The following PIEZO2 variants were observed in gnomAD, a reference collection of about 807,000 sequenced individuals.
PIEZO2 encodes the protein piezo type mechanosensitive ion channel component 2.
Under a neutral mutation model 337.3 loss-of-function variants are expected in PIEZO2, and 172 were observed. The ratio of observed to expected loss-of-function variants is 0.51; its 90% CI spans 0.45 to 0.58. PIEZO2 has a LOEUF of 0.58. Among genes scored for constraint, PIEZO2 ranks in the 20% least tolerant of loss-of-function variants. The pLI, the probability that PIEZO2 is intolerant of heterozygous loss-of-function variation, is 0.00. For synonymous variants in PIEZO2, 1,251 were observed against 1,228.5 expected, an observed-to-expected ratio of 1.02 and a Z score of -0.38; for missense variants, 3,028 against 3,391.3, an observed-to-expected ratio of 0.89 and a Z score of 2.66.
intron 17 of PIEZO2, among the ~76,000 whole-genome samples, chr18:10,782,628 T>C (rs1426459241): frequency 1.3e-5 from 2 of 149,730 alleles, no homozygotes; most frequent in East Asian, 3.9e-4. Flanking sequence ...CCCTTTACAT[T>C]TACTTGGAAA....
chr18:10,696,959 G>A (rs2035119632), intron 45 of PIEZO2, among the ~76,000 whole-genome samples: 2 of 152,318 alleles, frequency 1.3e-5, no homozygotes, highest in Admixed American at 1.3e-4. Flanking sequence ...TAGGGCCAAG[G>A]TGGGAAGTAA....
rs1422474537 is a variant in PIEZO2, at chr18:10,850,924, A to G, written c.917+4429T>C. ...AAAAAATATCAATTCAATATTTCTA[A>G]AAATAAGGTTAATTCTCACCAGAGA... On this transcript the variant is annotated intron_variant, in intron 7 of 55. Coordinates refer to ENST00000674853, the MANE Select transcript of PIEZO2 (RefSeq NM_001378183.1). The surrounding 1 kb of genome is among the most constrained non-coding windows in gnomAD (Gnocchi z 4.5). 1.3e-5 allele frequency among the ~76,000 whole-genome samples: 2 copies of G among 152,206 alleles called. No individual in the cohort carries two copies. Among genetic ancestry groups the G allele is most frequent in the Non-Finnish European group, 2.9e-5 (2 of 68,038 alleles).
At chr18:10,725,975 C>A (rs981583400) in intron 36 of PIEZO2, among the ~76,000 whole-genome samples, 1 of 152,150 alleles carries the variant, frequency 6.6e-6, no homozygotes, top group Non-Finnish European at 1.5e-5. Flanking sequence ...TTGCTCTGGG[C>A]AAGAGGTGGT....
Position 11,148,725 on chromosome 18 carries a change from C to T in PIEZO2, c.-137G>A, listed in dbSNP as rs1460924775. On this transcript the variant is annotated 5_prime_UTR_variant, in exon 1 of 56. Transcript: ENST00000674853. The surrounding 1 kb of genome is among the most constrained non-coding windows in gnomAD (Gnocchi z 5.2). ...CACCCGAGCATCGCCTCGGCGCGGG[C>T]CGCGACGCTCTCCGCCCCGAGGGCA... 4 of 885,590 alleles carry T rather than the reference C, an allele frequency of 4.5e-6. No individual in the cohort carries two copies. The highest frequency in any genetic ancestry group is 2.8e-5 in the East Asian group (1 of 35,560). The allele number at this position is 885,590 out of a possible 1,614,324, so 54.9% of individuals were successfully genotyped here. A position where few individuals can be genotyped will look rare whatever the true frequency, so the allele number is the denominator to read the frequency against.
At chr18:11,063,999 A>C (rs2038061387) in intron 2 of PIEZO2, among the ~76,000 whole-genome samples, 1 of 152,024 alleles carries the variant, frequency 6.6e-6, no homozygotes, top group Admixed American at 6.6e-5. Context: ...TGGGCCACAC[A>C]TAACACTGAC....
intron 36 of PIEZO2, among the ~76,000 whole-genome samples, chr18:10,723,763 C>T (rs758593092): frequency 1.3e-5 from 2 of 152,056 alleles, no homozygotes; most frequent in Non-Finnish European, 2.9e-5. Flanking sequence ...GATGACCACT[C>T]GAAAGATCCC....
chr18:11,030,485 T>C (rs1165925691), intron 2 of PIEZO2, among the ~76,000 whole-genome samples: 1 of 152,184 alleles, frequency 6.6e-6, no homozygotes, highest in East Asian at 1.9e-4. Flanking sequence ...AGGAGTGACT[T>C]GCCCAAGGTC....
chr18:10,879,236 T>C (rs1254968037), intron 4 of PIEZO2, among the ~76,000 whole-genome samples: 2 of 152,086 alleles, frequency 1.3e-5, no homozygotes, highest in African/African-American at 2.4e-5. Context: ...CCCATTTTAA[T>C]AAATCAGTGA....
intron 4 of PIEZO2, among the ~76,000 whole-genome samples, chr18:10,897,159 C>T (rs1299959376): frequency 6.6e-6 from 1 of 151,860 alleles, no homozygotes; most frequent in African/African-American, 2.4e-5. Flanking sequence ...ATATGGTTCT[C>T]ATGGTAGTGA....
chr18:10,805,153 G>C (rs934673547), intron 8 of PIEZO2, among the ~76,000 whole-genome samples: 14 of 152,210 alleles, frequency 9.2e-5, no homozygotes, highest in Admixed American at 8.5e-4. Context: ...CCCAGAGAAA[G>C]CAAATGGGCT....
intron 1 of PIEZO2, among the ~76,000 whole-genome samples, chr18:11,121,143 C>T (rs923537417): frequency 3.9e-5 from 6 of 152,078 alleles, no homozygotes; most frequent in African/African-American, 1.4e-4. Context: ...GTTCCACCTA[C>T]TCGGGAGGCT....
chr18:10,689,887 A>C (rs1156241768), intron 48 of PIEZO2, 85 bp from the exon 49 acceptor site: 1 of 1,489,546 alleles, frequency 6.7e-7, no homozygotes, highest in Non-Finnish European at 9.0e-7. Flanking sequence ...CAGTTCCTTA[A>C]CTGCTTTAAC....
chr18:11,111,364 A>G lies in PIEZO2; in HGVS notation c.64+37161T>C, dbSNP rs548234314. 6.6e-6 allele frequency among the ~76,000 whole-genome samples: 1 copy of G among 152,310 alleles called. No homozygotes were observed. Among genetic ancestry groups the G allele is most frequent in the East Asian group, 1.9e-4 (1 of 5,184 alleles). On this transcript the variant is annotated intron_variant, in intron 1 of 55. Coordinates refer to ENST00000674853, the MANE Select transcript of PIEZO2 (RefSeq NM_001378183.1). The surrounding 1 kb of genome is among the most constrained non-coding windows in gnomAD (Gnocchi z 6.2). ...ATCTACAGTGGCTTCTGTTTTCCTA[A>G]CCAAGTCCTGAACCAATGTAAGACT...
chr18:11,104,118 G>A lies in PIEZO2; in HGVS notation c.65-37896C>T, dbSNP rs1274637984. On this transcript the variant is annotated intron_variant, in intron 1 of 55. Coordinates refer to ENST00000674853, the MANE Select transcript of PIEZO2 (RefSeq NM_001378183.1). The surrounding 1 kb of genome is among the most constrained non-coding windows in gnomAD (Gnocchi z 4.6). ...TTAAAATTGGATTCTTCTTATCATA[G>A]CTTTCACTGGGATTGCAATATAACA... 1.3e-5 allele frequency among the ~76,000 whole-genome samples: 2 copies of A among 152,108 alleles called. No individual in the cohort carries two copies. Among genetic ancestry groups the A allele is most frequent in the African/African-American group, 4.8e-5 (2 of 41,394 alleles).
At chr18:11,042,418 T>G (rs968450527) in intron 2 of PIEZO2, among the ~76,000 whole-genome samples, 1 of 152,206 alleles carries the variant, frequency 6.6e-6, no homozygotes, top group African/African-American at 2.4e-5. Flanking sequence ...TGTGGCCACA[T>G]TTTAGATAGC....
intron 1 of PIEZO2, among the ~76,000 whole-genome samples, chr18:11,137,153 TAGA>T (rs1047431320): frequency 1.3e-5 from 2 of 152,256 alleles, no homozygotes; most frequent in Admixed American, 6.5e-5. Context: ...ATCGAAATAT[TAGA>T]AGCTCAAAGC....
In PIEZO2 at chr18:10,828,124, TTG is replaced by T. The variant is rs2040732673; in HGVS notation, c.918-20852_918-20851del. Among the ~76,000 whole-genome samples the T allele has an allele frequency of 7.3e-6, 1 of 137,284 alleles. No individual in the cohort carries two copies. The highest frequency in any genetic ancestry group is 2.3e-4 in the East Asian group (1 of 4,272). 90.1% of individuals were successfully genotyped at this position (137,284 alleles called of 152,430 possible). On this transcript the variant is annotated intron_variant, in intron 7 of 55. Transcript: ENST00000674853. This position sits in a 1 kb window ranked among gnomAD's most constrained non-coding sequence, Gnocchi z 4.1. ...CTCGAAATAGCATGACGGTTTTTTT[TTG>T]TTTGTTTGTTTTTGTTTTTTTTTTT...
At chr18:10,690,174 G>A (rs770218217) in intron 48 of PIEZO2, among the ~76,000 whole-genome samples, 9 of 152,100 alleles carry the variant, frequency 5.9e-5, no homozygotes, top group Non-Finnish European at 1.3e-4. Flanking sequence ...TAGTAGGGGT[G>A]GTGCACCTGG....
At position 10,702,157 on chromosome 18, in the gene PIEZO2, GACT is replaced by G; in HGVS notation, c.6270_6272del (p.Val2091del). On this transcript the variant is annotated inframe_deletion, in exon 43 of 56. Coordinates refer to ENST00000674853, the MANE Select transcript of PIEZO2 (RefSeq NM_001378183.1). ...AGAACCCAAATTGGAAGAAATACTT[GACT>G]ACAATTGCCACCTACGCACAGATGA... The G allele has an allele frequency of 6.5e-7, 1 of 1,536,516 alleles. No homozygotes were observed. Among genetic ancestry groups the G allele is most frequent in the Non-Finnish European group, 8.7e-7 (1 of 1,146,714 alleles).
Sources: gnomAD v4.1 joint callset for allele counts (sites outside exome capture counted in the v4.1 genomes callset) on GRCh38, gnomAD v4.1.1 for gene constraint, Gnocchi (gnomAD v3.1) non-coding constraint, MANE v1.5 for transcripts, NCBI Gene and HGNC (gene_info 2026-07-23, HGNC 2026-07-21) for gene names.